Variants in ADAMTSL1 observed in about 807,000 individuals in gnomAD.
ADAMTSL1 encodes the protein ADAMTS-like protein 1.
Under a neutral mutation model 201.8 loss-of-function variants are expected in ADAMTSL1, and 126 were observed. That is an observed-to-expected ratio of 0.62 (90% CI 0.54 to 0.72). The LOEUF (loss-of-function observed/expected upper bound fraction) is 0.72. Ranked by LOEUF, ADAMTSL1 falls within the 30% of genes least tolerant of loss-of-function variation. The pLI, the probability that ADAMTSL1 is intolerant of heterozygous loss-of-function variation, is 0.00. For missense variants in ADAMTSL1, 2,679 were observed against 2,277.8 expected, an observed-to-expected ratio of 1.18 and a Z score of -3.59; for synonymous variants, 1,121 against 903.4, an observed-to-expected ratio of 1.24 and a Z score of -4.32.
chr9:18,743,658 T>C (rs1818970106), intron 15 of ADAMTSL1, among the ~76,000 whole-genome samples: 1 of 152,204 alleles, frequency 6.6e-6, no homozygotes, highest in Non-Finnish European at 1.5e-5. Flanking sequence ...AGTGTGGCTG[T>C]ATCTACTATT....
chr9:17,961,264 T>C (rs549901312), intron 1 of ADAMTSL1, among the ~76,000 whole-genome samples: 2 of 152,230 alleles, frequency 1.3e-5, no homozygotes, highest in East Asian at 3.9e-4. Context: ...TATTATTTTT[T>C]TGAGATGGAG....
intron 1 of ADAMTSL1, among the ~76,000 whole-genome samples, chr9:17,957,047 A>G (rs2131387800): frequency 6.6e-6 from 1 of 152,202 alleles, no homozygotes; most frequent in East Asian, 1.9e-4. Context: ...ATATTTTCCT[A>G]GATTTTCATG....
intron 2 of ADAMTSL1, among the ~76,000 whole-genome samples, chr9:18,222,331 C>G (rs1163390475): frequency 6.6e-6 from 1 of 151,604 alleles, no homozygotes; most frequent in African/African-American, 2.4e-5. Context: ...TTATCTGTTA[C>G]TTTTTTGTTG....
intron 2 of ADAMTSL1, among the ~76,000 whole-genome samples, chr9:18,279,397 G>A (rs73643217): frequency 0.034 from 5,158 of 151,224 alleles, 307 homozygotes; most frequent in African/African-American, 0.12. Context: ...ATCTAAGTTT[G>A]TGGATGTCTA....
intron 1 of ADAMTSL1, among the ~76,000 whole-genome samples, chr9:18,146,551 G>A (rs528074251): frequency 5.3e-5 from 8 of 152,290 alleles, no homozygotes; most frequent in Non-Finnish European, 8.8e-5. Context: ...TAGAGGTTTT[G>A]AGGGAGGGAA....
chr9:18,684,743 C>G lies in ADAMTSL1; in HGVS notation c.1517C>G (p.Pro506Arg), dbSNP rs760083226. 1 of 1,613,112 alleles carries G rather than the reference C, an allele frequency of 6.2e-7. No homozygotes were observed. The highest frequency in any genetic ancestry group is 1.1e-5 in the South Asian group (1 of 90,540). ...AAACTTCCAGTCGAGGCCAAGTTGC[C>G]ATGGTTCAAACAAGCTCAAGAGCTA... is the stretch of plus-strand genomic sequence containing the variant. ...KEKLPVEAKL[P>R]WFKQAQELEE... The change falls in exon 13 of 29, where the codon CCA becomes CGA. Residue 506 changes from proline to arginine, a missense_variant. Transcript: ENST00000380548.
chr9:18,800,377 CAA>C lies in ADAMTSL1; in HGVS notation c.3805+4879_3805+4880del, dbSNP rs58346548. On this transcript the variant is annotated intron_variant, in intron 20 of 28. Transcript: ENST00000380548. ...GGGCAACAAGAGGAAAACTCCATCT[CAA>C]AAAAAAAAAAAAAAAAAAAAAAAAA... Among the ~76,000 whole-genome samples the C allele has an allele frequency of 9.7e-4, 59 of 60,670 alleles. No homozygotes were observed. The East Asian group carries it at 0.025, about 25-fold the overall frequency. The allele number at this position is 60,670 out of a possible 152,430, so 39.8% of individuals were successfully genotyped here.
At chr9:18,749,518 G>A (rs1394420320) in intron 15 of ADAMTSL1, among the ~76,000 whole-genome samples, 9 of 152,144 alleles carry the variant, frequency 5.9e-5, no homozygotes, top group Admixed American at 5.9e-4. Flanking sequence ...GCAGAAGCCA[G>A]GCCCCAGAAC....
chr9:18,455,504 T>C (rs1012587545), intron 2 of ADAMTSL1, among the ~76,000 whole-genome samples: 6 of 152,100 alleles, frequency 3.9e-5, no homozygotes, highest in Non-Finnish European at 8.8e-5. Context: ...TTTTTAAACC[T>C]AACGTTAAAC....
intron 2 of ADAMTSL1, among the ~76,000 whole-genome samples, chr9:18,222,545 T>C (rs1362392690): frequency 6.6e-6 from 1 of 151,866 alleles, no homozygotes; most frequent in East Asian, 1.9e-4. Context: ...CTGTTTTTGT[T>C]TAGGATTTTA....
intron 1 of ADAMTSL1, among the ~76,000 whole-genome samples, chr9:17,993,528 T>G (rs1249990261): frequency 6.6e-6 from 1 of 152,196 alleles, no homozygotes; most frequent in Non-Finnish European, 1.5e-5. Flanking sequence ...CTATTGCTCA[T>G]AAATTTTCGT....
intron 2 of ADAMTSL1, among the ~76,000 whole-genome samples, chr9:18,307,853 C>T (rs915139098): frequency 5.3e-5 from 8 of 152,150 alleles, no homozygotes; most frequent in African/African-American, 1.9e-4. Flanking sequence ...ACCTAATAGA[C>T]ATCTATAGGA....
chr9:18,036,937 A>G (rs956583799), intron 1 of ADAMTSL1, among the ~76,000 whole-genome samples: 15 of 152,154 alleles, frequency 9.9e-5, no homozygotes, highest in African/African-American at 3.4e-4. Context: ...ACATGGTATT[A>G]TTGGATGTGC....
At chr9:17,972,287 A>C (rs1361472713) in intron 1 of ADAMTSL1, among the ~76,000 whole-genome samples, 1 of 125,074 alleles carries the variant, frequency 8.0e-6, no homozygotes. Context: ...AGCATTAAGT[A>C]TATCTCCTAA....
chr9:18,645,229 G>A (rs146686819), intron 7 of ADAMTSL1, among the ~76,000 whole-genome samples: 81 of 152,222 alleles, frequency 5.3e-4, no homozygotes, highest in African/African-American at 1.9e-3. Context: ...ACTTTTTGAT[G>A]GGGTTGTTTG....
chr9:18,763,443 T>A lies in ADAMTSL1; in HGVS notation c.2218-7159T>A, dbSNP rs549373373. Among the ~76,000 whole-genome samples, 13 of 152,340 alleles carry A rather than the reference T, an allele frequency of 8.5e-5. No individual in the cohort carries two copies. In the East Asian group the frequency reaches 2.5e-3, roughly 29 times the overall value. On this transcript the variant is annotated intron_variant, in intron 16 of 28. Coordinates refer to ENST00000380548, the MANE Select transcript of ADAMTSL1 (RefSeq NM_001040272.6). ...TTTGCAAATATTTACTCCCATTCTGTGGGTTGTCGCTTCACTTTGTTGATT... is the reference window on the plus strand; with the variant it reads ...TTTGCAAATATTTACTCCCATTCTGAGGGTTGTCGCTTCACTTTGTTGATT...
At chr9:18,436,932 A>G (rs1443705425) in intron 2 of ADAMTSL1, among the ~76,000 whole-genome samples, 2 of 152,116 alleles carry the variant, frequency 1.3e-5, no homozygotes, top group Admixed American at 1.3e-4. Context: ...AAGTTGACCC[A>G]CCATAAAGTT....
At chr9:18,124,499 AT>A (rs1825654275) in intron 1 of ADAMTSL1, among the ~76,000 whole-genome samples, 1 of 152,146 alleles carries the variant, frequency 6.6e-6, no homozygotes, top group Non-Finnish European at 1.5e-5. Flanking sequence ...CATCAGACAT[AT>A]GATTTGCAAA....
At chr9:18,001,850 C>A (rs972042462) in intron 1 of ADAMTSL1, among the ~76,000 whole-genome samples, 1 of 151,800 alleles carries the variant, frequency 6.6e-6, no homozygotes, top group Non-Finnish European at 1.5e-5. Context: ...AGATAGGAAG[C>A]CAGTGGTGAG....
Sources: allele counts gnomAD v4.1 joint callset (sites outside exome capture counted in the v4.1 genomes callset), GRCh38; gene constraint gnomAD v4.1.1; transcripts MANE v1.5; gene names NCBI Gene and HGNC (gene_info 2026-07-23, HGNC 2026-07-21).